The following AGAP1 variants were observed in gnomAD, a reference collection of about 807,000 sequenced individuals.
AGAP1 encodes the protein ArfGAP with GTPase domain, ankyrin repeat and PH domain 1, also known as arf-GAP with GTPase, ANK repeat and PH domain-containing protein 1.
AGAP1 carries 29 observed loss-of-function variants against 105.3 expected under a neutral mutation model. The observed-to-expected ratio is 0.28, with a 90% CI of 0.21 to 0.38. AGAP1 has a LOEUF of 0.38. Ranked by LOEUF, AGAP1 falls within the 10% of genes least tolerant of loss-of-function variation. The probability of loss-of-function intolerance (pLI) is 1.00; values close to 1 mark genes in which losing one functional copy is unlikely to be tolerated. For missense variants in AGAP1, 998 were observed against 1,165.1 expected (o/e 0.86, Z 2.09); for synonymous variants, 509 against 485.9 (o/e 1.05, Z -0.63).
At chr2:235,796,490 T>A (rs1245543880) in intron 6 of AGAP1, among the ~76,000 whole-genome samples, 2 of 152,218 alleles carry the variant, frequency 1.3e-5, no homozygotes, top group African/African-American at 2.4e-5. Context: ...GATATCATCC[T>A]TTCAGGATGA....
intron 1 of AGAP1, among the ~76,000 whole-genome samples, chr2:235,525,364 G>A (rs1223084356): frequency 1.3e-5 from 2 of 148,272 alleles, no homozygotes; most frequent in Non-Finnish European, 3.0e-5. Flanking sequence ...GATACATAAT[G>A]TGGAGGACTG....
Position 235,793,320 on chromosome 2 carries a change from G to C in AGAP1, c.674-4439G>C, listed in dbSNP as rs1957088177. 6.6e-6 allele frequency among the ~76,000 whole-genome samples: 1 copy of C among 152,208 alleles called. No individual in the cohort carries two copies. The highest frequency in any genetic ancestry group is 1.9e-4 in the East Asian group (1 of 5,174). On this transcript the variant is annotated intron_variant, in intron 6 of 17. Transcript: ENST00000304032. The surrounding 1 kb of genome is among the most constrained non-coding windows in gnomAD (Gnocchi z 5.3). ...CTTGGCGAGCACCTCCTGTGTGCCA[G>C]TCACCACACTCAGTCCTTTTCAGCA...
At chr2:236,079,699 A>T (rs964375595) in intron 16 of AGAP1, among the ~76,000 whole-genome samples, 6 of 152,108 alleles carry the variant, frequency 3.9e-5, no homozygotes, top group Non-Finnish European at 5.9e-5. Context: ...AGAGAAAAAA[A>T]CCTGAGACTG....
chr2:235,688,831 G>A (rs980080161), intron 1 of AGAP1, among the ~76,000 whole-genome samples: 10 of 152,182 alleles, frequency 6.6e-5, no homozygotes, highest in South Asian at 6.3e-4. Context: ...CCCTCATCCC[G>A]CCCCTCATTC....
chr2:235,943,560 G>C (rs556146552), intron 12 of AGAP1, among the ~76,000 whole-genome samples: 15 of 152,116 alleles, frequency 9.9e-5, no homozygotes, highest in Middle Eastern at 6.8e-3. Context: ...ATGTTGGCCA[G>C]GCTGGTCCCG....
Position 236,044,637 on chromosome 2 carries a change from C to G in AGAP1, c.1891+3796C>G, listed in dbSNP as rs1436873746. 6.6e-6 allele frequency among the ~76,000 whole-genome samples: 1 copy of G among 152,174 alleles called. No individual in the cohort carries two copies. Among genetic ancestry groups the G allele is most frequent in the Non-Finnish European group, 1.5e-5 (1 of 68,018 alleles). On this transcript the variant is annotated intron_variant, in intron 15 of 17. Coordinates refer to ENST00000304032, the MANE Select transcript of AGAP1 (RefSeq NM_001037131.3). This position sits in a 1 kb window ranked among gnomAD's most constrained non-coding sequence, Gnocchi z 5.7. ...ACCACTACCACCAGATAGCTCACCA[C>G]AACCTACAGTAGGAGCACATCCAGG...
intron 17 of AGAP1, among the ~76,000 whole-genome samples, chr2:236,122,497 A>G (rs1479843331): frequency 6.6e-6 from 1 of 152,186 alleles, no homozygotes; most frequent in Non-Finnish European, 1.5e-5. Flanking sequence ...AGACTCCCAC[A>G]CATTGTGAGT....
At position 235,964,129 on chromosome 2, in the gene AGAP1, C is replaced by T. The variant is rs1430393488; in HGVS notation, c.1484-4333C>T. On this transcript the variant is annotated intron_variant, in intron 12 of 17. Transcript: ENST00000304032. This position sits in a 1 kb window ranked among gnomAD's most constrained non-coding sequence, Gnocchi z 4.6. ...GTGCAGAAGGTCCTAACTGTGGGCT[C>T]CGTGGGAGTGTAGAGATGAGAAATG... is the stretch of plus-strand genomic sequence containing the variant. Among the ~76,000 whole-genome samples, 1 of 151,926 alleles carries T rather than the reference C, an allele frequency of 6.6e-6. No homozygotes were observed. The highest frequency in any genetic ancestry group is 2.4e-5 in the African/African-American group (1 of 41,316).
At chr2:235,940,528 A>G (rs1435381164) in intron 12 of AGAP1, among the ~76,000 whole-genome samples, 1 of 152,198 alleles carries the variant, frequency 6.6e-6, no homozygotes, top group Non-Finnish European at 1.5e-5. Flanking sequence ...TCCACCAGAT[A>G]GTTCAGGCTT....
chr2:235,643,457 A>AAAAGAAAG (rs1269123334), intron 1 of AGAP1, among the ~76,000 whole-genome samples: 10 of 140,444 alleles, frequency 7.1e-5, no homozygotes, highest in African/African-American at 2.7e-4. Flanking sequence ...AAAAAAAAAA[A>AAAAGAAAG]AAAGAAAGAA....
chr2:236,084,729 C>G (rs368714981), intron 16 of AGAP1, among the ~76,000 whole-genome samples: 2 of 151,522 alleles, frequency 1.3e-5, no homozygotes, highest in South Asian at 4.2e-4. Context: ...ATGGTGAAAC[C>G]ACGTCTCTGC....
In AGAP1 at chr2:236,040,569, C is replaced by A; in HGVS notation, c.1801-182C>A. On this transcript the variant is annotated intron_variant, in intron 14 of 17. Coordinates refer to ENST00000304032, the MANE Select transcript of AGAP1 (RefSeq NM_001037131.3). This position sits in a 1 kb window ranked among gnomAD's most constrained non-coding sequence, Gnocchi z 5.6. ...ATTTCCTCCCTCCCCCCGCCCCATG[C>A]ATGATGATTTCTTCTTCAGTTATGC... 1 of 144,754 alleles carries A rather than the reference C, an allele frequency of 6.9e-6. No homozygotes were observed. The highest frequency in any genetic ancestry group is 1.4e-5 in the Non-Finnish European group (1 of 70,182). The allele number at this position is 144,754 out of a possible 1,614,324, so 9.0% of individuals were successfully genotyped here. A position where few individuals can be genotyped will look rare whatever the true frequency, so the allele number is the denominator to read the frequency against.
Position 235,701,470 on chromosome 2 carries a change from A to G in AGAP1, c.164-7709A>G, listed in dbSNP as rs1950258877. Reference sequence around the variant, plus strand: ...AGAGGGCCTGGTGAATGGCAAGGTCAGGGGATGCTGTCCGGACATGTCAGG... The same window carrying G: ...AGAGGGCCTGGTGAATGGCAAGGTCGGGGGATGCTGTCCGGACATGTCAGG... On this transcript the variant is annotated intron_variant, in intron 1 of 17. Coordinates refer to ENST00000304032, the MANE Select transcript of AGAP1 (RefSeq NM_001037131.3). The surrounding 1 kb of genome is among the most constrained non-coding windows in gnomAD (Gnocchi z 4.1). Among the ~76,000 whole-genome samples, 1 of 152,140 alleles carries G rather than the reference A, an allele frequency of 6.6e-6. No individual in the cohort carries two copies. The highest frequency in any genetic ancestry group is 6.6e-5 in the Admixed American group (1 of 15,262).
At position 236,040,865 on chromosome 2, in the gene AGAP1, G is replaced by A. The variant is rs1299650524; in HGVS notation, c.1891+24G>A. On this transcript the variant is annotated intron_variant, in intron 15 of 17. Transcript: ENST00000304032. This position sits in a 1 kb window ranked among gnomAD's most constrained non-coding sequence, Gnocchi z 5.6. ...GAGTAAGTGTGTGCGGTGGTAGCAGGGGCTGGCGCTGTGTAGCTGGAGACC... is the reference window on the plus strand; with the variant it reads ...GAGTAAGTGTGTGCGGTGGTAGCAGAGGCTGGCGCTGTGTAGCTGGAGACC... The A allele has an allele frequency of 1.2e-6, 2 of 1,613,446 alleles. No homozygotes were observed. Among genetic ancestry groups the A allele is most frequent in the South Asian group, 2.2e-5 (2 of 91,062 alleles).
chr2:235,512,640 C>T (rs548256522), intron 1 of AGAP1, among the ~76,000 whole-genome samples: 1 of 152,286 alleles, frequency 6.6e-6, no homozygotes, highest in East Asian at 1.9e-4. Flanking sequence ...CGCGTCCTCC[C>T]CCATTCCTGC....
chr2:235,789,288 T>C lies in AGAP1; in HGVS notation c.674-8471T>C, dbSNP rs560851708. On this transcript the variant is annotated intron_variant, in intron 6 of 17. Coordinates refer to ENST00000304032, the MANE Select transcript of AGAP1 (RefSeq NM_001037131.3). The surrounding 1 kb of genome is among the most constrained non-coding windows in gnomAD (Gnocchi z 4.2). ...ACATGGTAGAAATTTCCCCTCATTC[T>C]AAAATTCTGAAATTAACGTCAGCAG... is the stretch of plus-strand genomic sequence containing the variant. 5.8e-4 allele frequency among the ~76,000 whole-genome samples: 88 copies of C among 152,330 alleles called. 1 individual carries two copies. Among genetic ancestry groups the C allele is most frequent in the African/African-American group, 2.1e-3 (86 of 41,580 alleles).
intron 1 of AGAP1, among the ~76,000 whole-genome samples, chr2:235,676,774 C>G (rs1296846465): frequency 6.6e-6 from 1 of 152,030 alleles, no homozygotes; most frequent in Non-Finnish European, 1.5e-5. Context: ...TGATTTGAAA[C>G]AATTATATTA....
In AGAP1 at chr2:235,611,259, C is replaced by G. The variant is rs1198448415; in HGVS notation, c.164-97920C>G. 6.6e-6 allele frequency among the ~76,000 whole-genome samples: 1 copy of G among 152,220 alleles called. No homozygotes were observed. Among genetic ancestry groups the G allele is most frequent in the African/African-American group, 2.4e-5 (1 of 41,442 alleles). On this transcript the variant is annotated intron_variant, in intron 1 of 17. Transcript: ENST00000304032. This position sits in a 1 kb window ranked among gnomAD's most constrained non-coding sequence, Gnocchi z 5.0. ...TGCAAAGGTGGTCTTGGTTTGACTCCCTTGTGGCCCACACAACACTTTCGT... is the reference window on the plus strand; with the variant it reads ...TGCAAAGGTGGTCTTGGTTTGACTCGCTTGTGGCCCACACAACACTTTCGT...
At position 235,855,752 on chromosome 2, in the gene AGAP1, G is replaced by C. The variant is rs1482549491; in HGVS notation, c.1051-27593G>C. On this transcript the variant is annotated intron_variant, in intron 9 of 17. Transcript: ENST00000304032. The surrounding 1 kb of genome is among the most constrained non-coding windows in gnomAD (Gnocchi z 5.0). ...ATTGGAGACTGGGTGTTGGTAAATGGGTGACAGTGACAAGTGGGTGATTGG... is the reference window on the plus strand; with the variant it reads ...ATTGGAGACTGGGTGTTGGTAAATGCGTGACAGTGACAAGTGGGTGATTGG... 6.6e-6 allele frequency among the ~76,000 whole-genome samples: 1 copy of C among 152,104 alleles called. No homozygotes were observed. Among genetic ancestry groups the C allele is most frequent in the Non-Finnish European group, 1.5e-5 (1 of 68,028 alleles).
Sources: gnomAD v4.1 joint callset for allele counts (sites outside exome capture counted in the v4.1 genomes callset) on GRCh38, gnomAD v4.1.1 for gene constraint, Gnocchi (gnomAD v3.1) non-coding constraint, MANE v1.5 for transcripts, NCBI Gene and HGNC (gene_info 2026-07-23, HGNC 2026-07-21) for gene names.